MME: variants seen among roughly 807,000 people sequenced by gnomAD.
MME encodes membrane metalloendopeptidase.
A neutral mutation model predicts 113.2 loss-of-function variants in MME; 98 were observed. The observed-to-expected ratio is 0.87, with a 90% CI of 0.74 to 1.02. MME has a LOEUF of 1.02. Ranked by LOEUF, MME falls within the 50% of genes least tolerant of loss-of-function variation. The pLI, the probability that MME is intolerant of heterozygous loss-of-function variation, is 0.00. For synonymous variants in MME, 292 were observed against 300.6 expected (o/e 0.97, Z 0.30); for missense variants, 836 against 896.0 (o/e 0.93, Z 0.86).
intron 3 of MME, among the ~76,000 whole-genome samples, chr3:155,088,683 C>CAAAAAAAAAAAAAAAAA: frequency 1.2e-5 from 1 of 86,688 alleles, no homozygotes; most frequent in Non-Finnish European, 2.4e-5. Context: ...AACTCCATCT[C>CAAAAAAAAAAAAAAAAA]AAAAAAAAAA....
At chr3:155,136,287 G>T (rs575191972) in intron 8 of MME, among the ~76,000 whole-genome samples, 16 of 152,202 alleles carry the variant, frequency 1.1e-4, no homozygotes, top group Non-Finnish European at 2.1e-4. Flanking sequence ...GTTTGTTATG[G>T]ATAGTTCTTA....
At chr3:155,080,750 C>T (rs1559903601) in intron 1 of MME, among the ~76,000 whole-genome samples, 1 of 152,238 alleles carries the variant, frequency 6.6e-6, no homozygotes, top group East Asian at 1.9e-4. Flanking sequence ...TTTAGCTTCT[C>T]GATCAAGTCG....
chr3:155,152,278 C>T (rs1382294206), intron 16 of MME, among the ~76,000 whole-genome samples: 1 of 152,148 alleles, frequency 6.6e-6, no homozygotes, highest in Admixed American at 6.5e-5. Flanking sequence ...CTTTAAGTGT[C>T]ACCTCCTTCC....
chr3:155,045,038 C>T (rs772658408), intron 1 of MME, among the ~76,000 whole-genome samples: 2 of 151,082 alleles, frequency 1.3e-5, no homozygotes, highest in South Asian at 2.1e-4. Context: ...TACTTTAAAT[C>T]GGGTTGGAAT....
At chr3:155,047,608 T>C (rs907424625) in intron 1 of MME, among the ~76,000 whole-genome samples, 2 of 152,224 alleles carry the variant, frequency 1.3e-5, no homozygotes, top group Non-Finnish European at 2.9e-5. Flanking sequence ...CTCTACAACA[T>C]GTTGCCTTAG....
intron 8 of MME, among the ~76,000 whole-genome samples, chr3:155,137,222 G>A (rs1720702533): frequency 1.3e-5 from 2 of 152,142 alleles, no homozygotes; most frequent in Non-Finnish European, 1.5e-5. Context: ...AGTAACAGGA[G>A]CTATTTATGG....
chr3:155,159,595 C>T (rs866987824), intron 16 of MME, among the ~76,000 whole-genome samples: 1 of 151,978 alleles, frequency 6.6e-6, no homozygotes, highest in African/African-American at 2.4e-5. Flanking sequence ...ATCCTCATCC[C>T]TCAAATTATC....
intron 18 of MME, among the ~76,000 whole-genome samples, chr3:155,168,077 C>T (rs1336468402): frequency 6.6e-6 from 1 of 152,150 alleles, no homozygotes; most frequent in East Asian, 1.9e-4. Flanking sequence ...TAGAGGGAAA[C>T]TATGAGTCCA....
intron 8 of MME, among the ~76,000 whole-genome samples, chr3:155,122,017 G>A (rs1387797321): frequency 8.4e-6 from 1 of 118,870 alleles, no homozygotes. Context: ...TGTACCTCTG[G>A]TAGAATTCGG....
chr3:155,116,607 T>TATACTCC, intron 5 of MME, 48 bp downstream of exon 5: 1 of 1,443,134 alleles, frequency 6.9e-7, no homozygotes, highest in Non-Finnish European at 9.7e-7. Flanking sequence ...TATATATATA[T>TATACTCC]TGGTGCCAAA....
At chr3:155,140,354 A>G (rs988417649) in intron 10 of MME, 62 bp downstream of exon 10, 3 of 1,014,488 alleles carry the variant, frequency 3.0e-6, no homozygotes, top group African/African-American at 3.4e-5. Flanking sequence ...ACATTGAAAT[A>G]CTCTTTCTAA....
chr3:155,055,373 G>A (rs1303993972), intron 1 of MME, among the ~76,000 whole-genome samples: 1 of 152,152 alleles, frequency 6.6e-6, no homozygotes, highest in Non-Finnish European at 1.5e-5. Flanking sequence ...CAAGGCAGAC[G>A]GATCACTTGA....
At chr3:155,140,082 T>G in intron 9 of MME, 109 bp from the exon 10 acceptor site, 2 of 696,958 alleles carry the variant, frequency 2.9e-6, no homozygotes, top group Non-Finnish European at 4.8e-6. Context: ...AAGTACAGAA[T>G]AGGACTTAAA....
At chr3:155,049,629 ATCT>A (rs1713686052) in intron 1 of MME, among the ~76,000 whole-genome samples, 3 of 10,190 alleles carry the variant, frequency 2.9e-4, no homozygotes, top group Admixed American at 8.6e-4. Flanking sequence ...ATCTTAGTAT[ATCT>A]ATCTATCTAT....
intron 8 of MME, among the ~76,000 whole-genome samples, chr3:155,133,062 A>AAAAAATATATATATATATATAT (rs1553762419): frequency 2.7e-5 from 2 of 75,064 alleles, no homozygotes; most frequent in Admixed American, 1.2e-4. Flanking sequence ...AAAAAAAAAA[A>AAAAAATATATATATATATATAT]ATATATATAT....
intron 1 of MME, among the ~76,000 whole-genome samples, chr3:155,026,015 A>T (rs1712772034): frequency 6.6e-6 from 1 of 151,784 alleles, no homozygotes; most frequent in African/African-American, 2.4e-5. Context: ...TAATAATCCT[A>T]AAAAAAAGCC....
At chr3:155,140,597 A>T (rs1158916296) in intron 10 of MME, among the ~76,000 whole-genome samples, 1 of 151,676 alleles carries the variant, frequency 6.6e-6, no homozygotes, top group East Asian at 1.9e-4. Flanking sequence ...TTGTATTTTT[A>T]GTAGAGATGA....
In MME at chr3:155,115,078, G is replaced by A. The variant is rs201870091; in HGVS notation, c.281G>A (p.Arg94His). 15 of 1,613,972 alleles carry A rather than the reference G, an allele frequency of 9.3e-6. No homozygotes were observed. Among genetic ancestry groups the A allele is most frequent in the Admixed American group, 5.0e-5 (3 of 59,996 alleles). ...TATGCTTGCGGAGGCTGGTTGAAACGTAATGTCATTCCCGAGACCAGCTCC... is the reference window on the plus strand; with the variant it reads ...TATGCTTGCGGAGGCTGGTTGAAACATAATGTCATTCCCGAGACCAGCTCC... The part of the protein sequence containing the change: ...FKYACGGWLK[R>H]NVIPETSSRY... Residue 94 changes from arginine to histidine, a missense_variant, in exon 4 of 23, where the codon CGT becomes CAT. By Grantham distance (29) the Arg-to-His change is conservative (BLOSUM62 0). Transcript: ENST00000360490.
intron 1 of MME, among the ~76,000 whole-genome samples, chr3:155,025,807 G>T (rs1414709320): frequency 2.1e-5 from 3 of 140,520 alleles, no homozygotes; most frequent in Non-Finnish European, 4.5e-5. Flanking sequence ...ATTCTCTCCT[G>T]CCTCAGCCTC....
Sources: allele counts gnomAD v4.1 joint callset (sites outside exome capture counted in the v4.1 genomes callset), GRCh38; gene constraint gnomAD v4.1.1; transcripts MANE v1.5; gene names NCBI Gene and HGNC (gene_info 2026-07-23, HGNC 2026-07-21).